PRPF3: variants seen among roughly 807,000 people sequenced by gnomAD.
PRPF3 encodes the protein U4/U6 small nuclear ribonucleoprotein Prp3.
PRPF3 carries 3 observed loss-of-function variants against 89.2 expected under a neutral mutation model. The observed-to-expected ratio is 0.03, with a 90% CI of 0.02 to 0.09. The LOEUF is 0.09. PRPF3 is among the 10% of genes least tolerant of loss of function. PRPF3 has a pLI of 1.00. For synonymous variants in PRPF3, 270 were observed against 289.1 expected (o/e 0.93, Z 0.67); for missense variants, 463 against 828.8 (o/e 0.56, Z 5.42).
rs140707748 is a variant in PRPF3, at chr1:150,334,636, T to C, written c.729-299T>C. On this transcript the variant is annotated intron_variant, in intron 6 of 15. Coordinates refer to ENST00000324862, the MANE Select transcript of PRPF3 (RefSeq NM_004698.4). Reference sequence around the variant, plus strand: ...CACACCCGTCCATCCAAATAACTCTTATAGAGAAGGCACTGCAGCCTCAAC... The same window carrying C: ...CACACCCGTCCATCCAAATAACTCTCATAGAGAAGGCACTGCAGCCTCAAC... Among the ~76,000 whole-genome samples, 620 of 152,048 alleles carry C rather than the reference T, an allele frequency of 4.1e-3. 3 individuals are homozygous for C. Among genetic ancestry groups the C allele is most frequent in the African/African-American group, 0.014 (587 of 41,488 alleles).
At chr1:150,337,635 G>A (rs1454567714) in intron 7 of PRPF3, among the ~76,000 whole-genome samples, 7 of 151,788 alleles carry the variant, frequency 4.6e-5, no homozygotes, top group East Asian at 2.0e-4. Context: ...AAAATGAGCC[G>A]GGCGTGGTGA....
At chr1:150,337,644 G>GA (rs1187614708) in intron 7 of PRPF3, among the ~76,000 whole-genome samples, 2 of 151,872 alleles carry the variant, frequency 1.3e-5, no homozygotes, top group Non-Finnish European at 2.9e-5. Context: ...CGGGCGTGGT[G>GA]ATGGGCGCCT....
At chr1:150,346,349 G>T (rs1272435291) in intron 13 of PRPF3, 59 bp from the exon 14 acceptor site, 2 of 1,521,462 alleles carry the variant, frequency 1.3e-6, no homozygotes, top group Admixed American at 1.7e-5. Flanking sequence ...GAGCTCAGAG[G>T]TTCTTTCTAC....
In PRPF3 at chr1:150,332,748, T is replaced by G; in HGVS notation, c.488T>G (p.Ile163Ser). ...GAGAGGAAAAAACAGCTGAGCTTCA[T>G]TAGCCCCCCTACACCTCAGGTATTG... ...IEERKKQLSFISPPTPQPKTP... is the reference protein window; with the variant it reads ...IEERKKQLSFSSPPTPQPKTP... The change falls in exon 5 of 16, where the codon ATT becomes AGT. Residue 163 changes from isoleucine (I) to serine (S), a missense_variant. Around this residue, in one of 8 missense-constraint regions of PRPF3, gnomAD observed 38 missense variants for 48.3 expected, o/e 0.79. Coordinates refer to ENST00000324862, the MANE Select transcript of PRPF3 (RefSeq NM_004698.4). 6.2e-7 allele frequency: 1 copy of G among 1,614,120 alleles called. No homozygotes were observed.
chr1:150,341,123 AAAAAG>A (rs1401924730), intron 9 of PRPF3, among the ~76,000 whole-genome samples: 15 of 150,626 alleles, frequency 1.0e-4, no homozygotes, highest in African/African-American at 3.4e-4. Context: ...AAAAAAAAAA[AAAAAG>A]AAGAAAGAAA....
chr1:150,321,663 G>C (rs1310696661), intron 1 of PRPF3, 71 bp downstream of exon 1: 1 of 152,846 alleles, frequency 6.5e-6, no homozygotes, highest in Non-Finnish European at 1.5e-5. Flanking sequence ...CTCAGTCCAA[G>C]GGGAGGACCG....
chr1:150,325,741 T>C lies in PRPF3; in HGVS notation c.146-10T>C. 1.2e-6 allele frequency: 2 copies of C among 1,611,462 alleles called. No individual in the cohort carries two copies. The highest frequency in any genetic ancestry group is 1.7e-6 in the Non-Finnish European group (2 of 1,178,348). On this transcript the variant is annotated splice_polypyrimidine_tract_variant and intron_variant, in intron 2 of 15. Transcript: ENST00000324862. ...CTTTCCAACCCTACCACCGCCTTTC[T>C]TCCTGTCAGATCATCTGAAACCTTT...
At position 150,328,275 on chromosome 1, in the gene PRPF3, C is replaced by G. The variant is rs373439478; in HGVS notation, c.277-45C>G. 1.1e-5 allele frequency: 17 copies of G among 1,609,978 alleles called. No individual in the cohort carries two copies. The African/African-American group carries it at 2.3e-4, about 22-fold the overall frequency. ...GGCTAGGATAATTCTTCCCTTCTCC[C>G]CACGGGGAGGGATACAGCTTTTCTT... On this transcript the variant is annotated intron_variant, in intron 3 of 15. Transcript: ENST00000324862.
intron 3 of PRPF3, among the ~76,000 whole-genome samples, chr1:150,327,034 G>T (rs1655798995): frequency 2.0e-5 from 3 of 149,438 alleles, no homozygotes; most frequent in South Asian, 4.3e-4. Flanking sequence ...GTACAGTGAA[G>T]ATTATGTCAC....
rs781991178 is a variant in PRPF3, at chr1:150,335,172, C to T, written c.966C>T (p.Arg322=). 8 of 1,614,048 alleles carry T rather than the reference C, an allele frequency of 5.0e-6. No individual in the cohort carries two copies. Among genetic ancestry groups the T allele is most frequent in the Admixed American group, 3.3e-5 (2 of 59,986 alleles). Residue 322 remains arginine (R), a synonymous_variant, in exon 7 of 16, where the codon CGC becomes CGT. Transcript: ENST00000324862. The part of the protein sequence containing the change: ...DPRVSIAPSQ[R]QRRTFKFHDK... ...GAGTCTCCATTGCCCCTTCCCAGCG[C>T]CAGAGACGCACTTTTAAATTCCATG...
chr1:150,331,009 G>T (rs1190611644), intron 4 of PRPF3, among the ~76,000 whole-genome samples: 2 of 151,950 alleles, frequency 1.3e-5, no homozygotes, highest in Admixed American at 6.6e-5. Flanking sequence ...GAGCTGCCAG[G>T]CCCAGCCTGT....
chr1:150,349,157 A>G lies in PRPF3; in HGVS notation c.1844A>G (p.Asp615Gly). 1.9e-6 allele frequency: 3 copies of G among 1,613,136 alleles called. No homozygotes were observed. Among genetic ancestry groups the G allele is most frequent in the Non-Finnish European group, 2.5e-6 (3 of 1,179,164 alleles). Reference sequence around the variant, plus strand: ...GTCTGTAACAAGATTTCTCTTCCAGATGATGAGGAGTCTGATGAGGAAGCT... The same window carrying G: ...GTCTGTAACAAGATTTCTCTTCCAGGTGATGAGGAGTCTGATGAGGAAGCT... ...DEQTSNTKGD[D>G]DEESDEEAVK... Residue 615 changes from aspartate to glycine, a missense_variant and splice_region_variant, in exon 15 of 16, where the codon GAT becomes GGT. Asp to Gly is a moderately conservative substitution (Grantham distance 94). Around this residue, in one of 8 missense-constraint regions of PRPF3, gnomAD observed 78 missense variants for 96.6 expected, o/e 0.81. Transcript: ENST00000324862.
chr1:150,331,037 T>G (rs1553865379), intron 4 of PRPF3, among the ~76,000 whole-genome samples: 1 of 151,746 alleles, frequency 6.6e-6, no homozygotes, highest in African/African-American at 2.4e-5. Context: ...CATTTTATTT[T>G]ATTTTATTTT....
intron 8 of PRPF3, among the ~76,000 whole-genome samples, chr1:150,340,190 G>A (rs1553869890): frequency 6.6e-6 from 1 of 152,176 alleles, no homozygotes; most frequent in East Asian, 1.9e-4. Context: ...TGTGGAGAGT[G>A]TGTTCAACCA....
rs1658250359 is a variant in PRPF3 at position 150,346,156 on chromosome 1, G to A, written c.1759+20G>A. 4 of 1,595,032 alleles carry A rather than the reference G, an allele frequency of 2.5e-6. No homozygotes were observed. Among genetic ancestry groups the A allele is most frequent in the Non-Finnish European group, 1.7e-6 (2 of 1,162,638 alleles). The stretch of plus-strand genomic sequence containing the variant: ...AAGGGGGTGAGTCTGAAAAACTTGA[G>A]GGAGACTGTCCCCAGACAACCCTAG... On this transcript the variant is annotated intron_variant, in intron 13 of 15. Coordinates refer to ENST00000324862, the MANE Select transcript of PRPF3 (RefSeq NM_004698.4).
chr1:150,325,724 C>G (rs1006290462), intron 2 of PRPF3, 27 bp from the exon 3 acceptor site: 7 of 1,608,398 alleles, frequency 4.4e-6, no homozygotes, highest in Non-Finnish European at 5.9e-6. Context: ...ACCTTTCCAA[C>G]CCTACCACCG....
rs1553864393 is a variant in PRPF3 at position 150,328,373 on chromosome 1, G to A, written c.330G>A (p.Lys110=). 1 of 1,613,926 alleles carries A rather than the reference G, an allele frequency of 6.2e-7. No homozygotes were observed. Among genetic ancestry groups the A allele is most frequent in the Non-Finnish European group, 8.5e-7 (1 of 1,180,004 alleles). ...EISKESSGVK[K]RRIPRFEEVE... ...CTAAAGAATCATCAGGAGTAAAGAAGCGACGAATACCCCGTTTTGAGGAGG... is the reference window on the plus strand; with the variant it reads ...CTAAAGAATCATCAGGAGTAAAGAAACGACGAATACCCCGTTTTGAGGAGG... The change falls in exon 4 of 16, where the codon AAG becomes AAA. Residue 110 remains lysine (K), a synonymous_variant. Coordinates refer to ENST00000324862, the MANE Select transcript of PRPF3 (RefSeq NM_004698.4).
intron 8 of PRPF3, 102 bp downstream of exon 8, chr1:150,338,428 G>C: frequency 8.7e-7 from 1 of 1,154,878 alleles, no homozygotes; most frequent in Non-Finnish European, 1.3e-6. Context: ...TAGTGGGAAG[G>C]ATGGTACTCA....
chr1:150,335,712 A>C (rs1553867283), intron 7 of PRPF3, among the ~76,000 whole-genome samples: 1 of 150,022 alleles, frequency 6.7e-6, no homozygotes, highest in African/African-American at 2.5e-5. Context: ...TGATCTGCCC[A>C]CTTTGTCCTC....
Sources: gnomAD v4.1 joint callset for allele counts (sites outside exome capture counted in the v4.1 genomes callset) on GRCh38, gnomAD v4.1.1 for gene constraint, gnomAD v4.1.1 regional missense constraint, MANE v1.5 for transcripts, NCBI Gene and HGNC (gene_info 2026-07-23, HGNC 2026-07-21) for gene names.